SLC2A12: variants seen among roughly 807,000 people sequenced by gnomAD.
SLC2A12 encodes the protein solute carrier family 2, facilitated glucose transporter member 12.
In SLC2A12, 23 loss-of-function variants were observed where a neutral mutation model predicts 41.8. That is an observed-to-expected ratio of 0.55 (90% CI 0.40 to 0.78). The LOEUF is 0.78. SLC2A12 is among the 30% of genes least tolerant of loss of function. SLC2A12 has a pLI of 0.00. For synonymous variants in SLC2A12, 295 were observed against 285.9 expected, an observed-to-expected ratio of 1.03 and a Z score of -0.32; for missense variants, 654 against 745.6, an observed-to-expected ratio of 0.88 and a Z score of 1.43.
chr6:134,042,603 G>C (rs551688939), intron 1 of SLC2A12, among the ~76,000 whole-genome samples: 1 of 151,908 alleles, frequency 6.6e-6, no homozygotes, highest in Admixed American at 6.6e-5. Flanking sequence ...TGTGGGGAAT[G>C]GGGAAAGGGA....
At chr6:134,006,194 A>AAAAAAAAAAAAAAAAC (rs1776813817) in intron 3 of SLC2A12, among the ~76,000 whole-genome samples, 1 of 90,938 alleles carries the variant, frequency 1.1e-5, no homozygotes, top group African/African-American at 3.8e-5. Context: ...AAAAAAAAAC[A>AAAAAAAAAAAAAAAAC]AAAAAAAAAA....
At chr6:134,031,716 G>T (rs919141093) in intron 1 of SLC2A12, among the ~76,000 whole-genome samples, 1 of 152,148 alleles carries the variant, frequency 6.6e-6, no homozygotes, top group African/African-American at 2.4e-5. Flanking sequence ...TAGTAAAATG[G>T]TTTATTTATT....
intron 1 of SLC2A12, 73 bp downstream of exon 1, chr6:134,052,303 CAA>C (rs1491205261): frequency 4.3e-5 from 33 of 759,432 alleles, no homozygotes; most frequent in Non-Finnish European, 6.6e-5. Flanking sequence ...ACACGGGACT[CAA>C]GAGACAGTAC....
At chr6:134,015,584 A>G (rs1435350709) in intron 2 of SLC2A12, among the ~76,000 whole-genome samples, 1 of 152,230 alleles carries the variant, frequency 6.6e-6, no homozygotes, top group East Asian at 1.9e-4. Flanking sequence ...AGAATGGTGG[A>G]AGAGGAAGAT....
intron 4 of SLC2A12, among the ~76,000 whole-genome samples, chr6:133,997,085 CAAAAAAAAAAAA>C (rs58295985): frequency 4.4e-4 from 31 of 70,710 alleles, no homozygotes; most frequent in Admixed American, 2.7e-3. Flanking sequence ...ACTAAAAATA[CAAAAAAAAAAAA>C]AAAAAAAAAA....
At chr6:134,024,974 G>A (rs954249589) in intron 2 of SLC2A12, among the ~76,000 whole-genome samples, 2 of 152,188 alleles carry the variant, frequency 1.3e-5, no homozygotes, top group Non-Finnish European at 2.9e-5. Context: ...TAAATGCACA[G>A]CAAAAACTCT....
chr6:134,020,736 C>T (rs1037675242), intron 2 of SLC2A12, among the ~76,000 whole-genome samples: 1 of 152,168 alleles, frequency 6.6e-6, no homozygotes, highest in Non-Finnish European at 1.5e-5. Flanking sequence ...AGCATGACTC[C>T]AAGCCTCACG....
chr6:134,020,732 A>G (rs1354225886), intron 2 of SLC2A12, among the ~76,000 whole-genome samples: 1 of 151,954 alleles, frequency 6.6e-6, no homozygotes, highest in East Asian at 1.9e-4. Context: ...TGACAGCATG[A>G]CTCCAAGCCT....
chr6:134,045,873 C>A (rs1047657633), intron 1 of SLC2A12, among the ~76,000 whole-genome samples: 1 of 152,192 alleles, frequency 6.6e-6, no homozygotes, highest in Non-Finnish European at 1.5e-5. Flanking sequence ...TCCAGCATAA[C>A]AATTGTGTCT....
intron 2 of SLC2A12, among the ~76,000 whole-genome samples, chr6:134,024,131 A>C (rs1220969864): frequency 6.6e-6 from 1 of 152,230 alleles, no homozygotes; most frequent in African/African-American, 2.4e-5. Flanking sequence ...CTCCTCCTAC[A>C]ACTTCTCCAA....
intron 1 of SLC2A12, among the ~76,000 whole-genome samples, chr6:134,044,531 T>C (rs1304574843): frequency 6.6e-6 from 1 of 151,938 alleles, no homozygotes; most frequent in Non-Finnish European, 1.5e-5. Context: ...CTGGCCAACA[T>C]GATGAAACCC....
intron 2 of SLC2A12, among the ~76,000 whole-genome samples, chr6:134,008,877 G>C (rs1399304848): frequency 6.6e-6 from 1 of 152,158 alleles, no homozygotes; most frequent in Non-Finnish European, 1.5e-5. Context: ...AGGAGGAGGT[G>C]GGGTAAAGGG....
At chr6:134,046,677 G>C (rs768111469) in intron 1 of SLC2A12, among the ~76,000 whole-genome samples, 8 of 152,040 alleles carry the variant, frequency 5.3e-5, no homozygotes, top group Non-Finnish European at 1.2e-4. Flanking sequence ...CGGGTGTGGT[G>C]GTGAGTGCCT....
chr6:134,017,379 C>G (rs568741987), intron 2 of SLC2A12, among the ~76,000 whole-genome samples: 1 of 152,204 alleles, frequency 6.6e-6, no homozygotes, highest in African/African-American at 2.4e-5. Context: ...AGGGAGCTCC[C>G]CCTTAATTAT....
chr6:134,021,198 C>T (rs1252462399), intron 2 of SLC2A12, among the ~76,000 whole-genome samples: 1 of 152,208 alleles, frequency 6.6e-6, no homozygotes, highest in Non-Finnish European at 1.5e-5. Flanking sequence ...TTCTAGCTTA[C>T]TTAGTTCCTA....
chr6:134,048,205 G>T (rs140206647), intron 1 of SLC2A12, among the ~76,000 whole-genome samples: 1 of 152,120 alleles, frequency 6.6e-6, no homozygotes, highest in Non-Finnish European at 1.5e-5. Flanking sequence ...ACAGAGATAC[G>T]CTGACTGGAC....
intron 2 of SLC2A12, among the ~76,000 whole-genome samples, chr6:134,027,538 G>A (rs1385448867): frequency 6.8e-6 from 1 of 146,940 alleles, no homozygotes; most frequent in Non-Finnish European, 1.5e-5. Flanking sequence ...GGTAGGAGGT[G>A]GGGGTAATAG....
chr6:133,996,930 T>C (rs1256977483), intron 4 of SLC2A12, among the ~76,000 whole-genome samples: 1 of 152,070 alleles, frequency 6.6e-6, no homozygotes, highest in Non-Finnish European at 1.5e-5. Flanking sequence ...TTTTAAAAGC[T>C]TTTGCCAACC....
chr6:134,021,463 C>T (rs1777039323), intron 2 of SLC2A12, among the ~76,000 whole-genome samples: 1 of 152,130 alleles, frequency 6.6e-6, no homozygotes, highest in Admixed American at 6.5e-5. Context: ...AATAAACATA[C>T]AGAAGTAATA....
Sources: gnomAD v4.1 joint callset for allele counts (sites outside exome capture counted in the v4.1 genomes callset) on GRCh38, gnomAD v4.1.1 for gene constraint, MANE v1.5 for transcripts, NCBI Gene and HGNC (gene_info 2026-07-23, HGNC 2026-07-21) for gene names.